NCKAP5: variants seen among roughly 807,000 people sequenced by gnomAD.
NCKAP5 encodes the protein NCK associated protein 5.
In NCKAP5, 92 loss-of-function variants were observed where a neutral mutation model predicts 167.0. The ratio of observed to expected loss-of-function variants is 0.55; its 90% CI spans 0.47 to 0.66. The LOEUF (loss-of-function observed/expected upper bound fraction) is 0.66, where lower values mean the gene tolerates loss of function less well. NCKAP5 is among the 30% of genes least tolerant of loss of function. NCKAP5 has a pLI of 0.00. For synonymous variants in NCKAP5, 891 were observed against 877.4 expected (o/e 1.02, Z -0.27); for missense variants, 2,378 against 2,315.0 (o/e 1.03, Z -0.56).
intron 5 of NCKAP5, among the ~76,000 whole-genome samples, chr2:133,156,476 A>C (rs1347313): frequency 0.3 from 45,089 of 152,028 alleles, 6,737 homozygotes; most frequent in African/African-American, 0.33. Flanking sequence ...AAAACAAATA[A>C]ATTAAAATGT....
chr2:133,190,849 A>G (rs1223266567), intron 5 of NCKAP5, among the ~76,000 whole-genome samples: 1 of 152,208 alleles, frequency 6.6e-6, no homozygotes, highest in African/African-American at 2.4e-5. Flanking sequence ...ACCATTCAGG[A>G]CATAGGCATG....
chr2:133,315,714 C>A (rs1018582411), intron 3 of NCKAP5, among the ~76,000 whole-genome samples: 1 of 151,872 alleles, frequency 6.6e-6, no homozygotes, highest in African/African-American at 2.4e-5. Context: ...GTGTTAAATA[C>A]AATCAGTGGT....
chr2:132,775,231 C>A (rs765419860), intron 15 of NCKAP5, among the ~76,000 whole-genome samples: 11 of 152,216 alleles, frequency 7.2e-5, no homozygotes, highest in Non-Finnish European at 7.3e-5. Context: ...TGGCTGAATA[C>A]TGACCTTGAG....
chr2:133,071,211 A>T (rs1027093251), intron 6 of NCKAP5, among the ~76,000 whole-genome samples: 2 of 152,232 alleles, frequency 1.3e-5, no homozygotes, highest in African/African-American at 4.8e-5. Context: ...ACCAGGGTAA[A>T]ATAGAAACAG....
rs1040681194 is a variant in NCKAP5 at position 132,813,575 on chromosome 2, G to A, written c.808-16846C>T. ...AGAGCCACCAGCACTCCAGTGATCC[G>A]TAATTGCTAATCCTGAAGACATGCA... On this transcript the variant is annotated intron_variant, in intron 11 of 19. Transcript: ENST00000409261. 2.0e-4 allele frequency among the ~76,000 whole-genome samples: 31 copies of A among 152,230 alleles called. 1 individual carries two copies. Among genetic ancestry groups the A allele is most frequent in the East Asian group, 1.2e-3 (6 of 5,154 alleles).
chr2:132,741,279 G>T (rs939567317), intron 16 of NCKAP5, among the ~76,000 whole-genome samples: 1 of 151,830 alleles, frequency 6.6e-6, no homozygotes, highest in Non-Finnish European at 1.5e-5. Flanking sequence ...TATAATTATC[G>T]CTATACTCTT....
chr2:132,895,407 G>T (rs953456500), intron 8 of NCKAP5, among the ~76,000 whole-genome samples: 1 of 149,958 alleles, frequency 6.7e-6, no homozygotes, highest in African/African-American at 2.5e-5. Flanking sequence ...AGTTACCTTT[G>T]ATTTGTAGCA....
At chr2:133,515,996 G>T (rs1230784462) in intron 3 of NCKAP5, among the ~76,000 whole-genome samples, 3 of 152,204 alleles carry the variant, frequency 2.0e-5, no homozygotes, top group African/African-American at 4.8e-5. Flanking sequence ...TAGGGTATTT[G>T]CATAAAACTT....
intron 8 of NCKAP5, among the ~76,000 whole-genome samples, chr2:132,960,058 C>T (rs898202959): frequency 2.6e-5 from 4 of 152,264 alleles, no homozygotes; most frequent in East Asian, 1.9e-4. Flanking sequence ...TGAGGGTAAA[C>T]GGTCTACTCT....
At chr2:132,779,369 T>C (rs964774895) in intron 15 of NCKAP5, among the ~76,000 whole-genome samples, 4 of 152,204 alleles carry the variant, frequency 2.6e-5, no homozygotes, top group African/African-American at 9.6e-5. Flanking sequence ...TTAAATTGAG[T>C]GCCTCTGATA....
intron 16 of NCKAP5, among the ~76,000 whole-genome samples, chr2:132,768,000 C>T (rs1029922234): frequency 6.6e-6 from 1 of 152,222 alleles, no homozygotes; most frequent in Non-Finnish European, 1.5e-5. Flanking sequence ...GCAGTAGGAA[C>T]ACTTCTGGCT....
At chr2:133,201,225 C>G (rs1440309450) in intron 5 of NCKAP5, among the ~76,000 whole-genome samples, 1 of 152,142 alleles carries the variant, frequency 6.6e-6, no homozygotes, top group African/African-American at 2.4e-5. Flanking sequence ...CATCGTCAGA[C>G]AGCACAAGAT....
intron 1 of NCKAP5, among the ~76,000 whole-genome samples, chr2:133,564,083 G>A (rs1558788951): frequency 6.6e-6 from 1 of 151,964 alleles, no homozygotes; most frequent in African/African-American, 2.4e-5. Context: ...GCAGTGAGTG[G>A]AGATCGTGCC....
At chr2:133,031,919 T>C (rs58034841) in intron 6 of NCKAP5, among the ~76,000 whole-genome samples, 9,073 of 151,944 alleles carry the variant, frequency 0.06, 885 homozygotes, top group African/African-American at 0.2. Flanking sequence ...GCATTCCTCA[T>C]TTGTTAACTG....
At chr2:133,239,513 A>G (rs1450604362) in intron 4 of NCKAP5, among the ~76,000 whole-genome samples, 2 of 152,162 alleles carry the variant, frequency 1.3e-5, no homozygotes, top group Non-Finnish European at 2.9e-5. Flanking sequence ...GGAAGTAGAA[A>G]TACTTTTCTG....
intron 6 of NCKAP5, among the ~76,000 whole-genome samples, chr2:133,111,809 C>T (rs2081923603): frequency 6.6e-6 from 1 of 152,096 alleles, no homozygotes; most frequent in Non-Finnish European, 1.5e-5. Flanking sequence ...TAACAGATTG[C>T]TTAAGTGAAA....
chr2:133,443,665 C>A (rs537008990), intron 3 of NCKAP5, among the ~76,000 whole-genome samples: 1 of 152,290 alleles, frequency 6.6e-6, no homozygotes, highest in Non-Finnish European at 1.5e-5. Context: ...AGCATGCAGA[C>A]TTCCATCAAC....
At chr2:133,329,525 G>GT (rs1246232853) in intron 3 of NCKAP5, among the ~76,000 whole-genome samples, 7 of 152,146 alleles carry the variant, frequency 4.6e-5, no homozygotes, top group African/African-American at 1.7e-4. Context: ...TCTGACAAAA[G>GT]TGGGGGGTAT....
chr2:133,375,499 G>C (rs936627578), intron 3 of NCKAP5, among the ~76,000 whole-genome samples: 4 of 152,218 alleles, frequency 2.6e-5, no homozygotes, highest in African/African-American at 9.6e-5. Flanking sequence ...ATAGGTAAAT[G>C]TGTGTCATGA....
Sources: gnomAD v4.1 joint callset for allele counts (sites outside exome capture counted in the v4.1 genomes callset) on GRCh38, gnomAD v4.1.1 for gene constraint, MANE v1.5 for transcripts, NCBI Gene and HGNC (gene_info 2026-07-23, HGNC 2026-07-21) for gene names.